MARCHF1: variants seen among roughly 807,000 people sequenced by gnomAD.
MARCHF1 encodes the protein membrane associated ring-CH-type finger 1, also known as E3 ubiquitin-protein ligase MARCHF1.
A neutral mutation model predicts 54.2 loss-of-function variants in MARCHF1; 40 were observed. The ratio of observed to expected loss-of-function variants is 0.74; its 90% CI spans 0.57 to 0.96. MARCHF1 has a LOEUF of 0.96. Among genes scored for constraint, MARCHF1 ranks in the 40% least tolerant of loss-of-function variants. MARCHF1 has a pLI of 0.00. For synonymous variants in MARCHF1, 236 were observed against 236.3 expected, an observed-to-expected ratio of 1.00 and a Z score of 0.01; for missense variants, 586 against 656.5, an observed-to-expected ratio of 0.89 and a Z score of 1.17.
chr4:164,105,433 C>A (rs1399338542), intron 2 of MARCHF1, among the ~76,000 whole-genome samples: 1 of 149,852 alleles, frequency 6.7e-6, no homozygotes, highest in Non-Finnish European at 1.5e-5. Context: ...ATCAATGGAA[C>A]AGAACAGAGC....
intron 1 of MARCHF1, among the ~76,000 whole-genome samples, chr4:164,163,499 T>C (rs1049371353): frequency 6.6e-6 from 1 of 151,656 alleles, no homozygotes; most frequent in Non-Finnish European, 1.5e-5. Context: ...TAGAGGAAAA[T>C]ACCAGAATAG....
At chr4:164,087,711 C>A (rs1387101780) in intron 2 of MARCHF1, among the ~76,000 whole-genome samples, 1 of 152,086 alleles carries the variant, frequency 6.6e-6, no homozygotes, top group East Asian at 1.9e-4. Context: ...GTCTATACTA[C>A]AAATCAAAGA....
intron 4 of MARCHF1, among the ~76,000 whole-genome samples, chr4:163,720,331 T>C (rs1745404946): frequency 6.6e-6 from 1 of 152,184 alleles, no homozygotes; most frequent in African/African-American, 2.4e-5. Context: ...AAAGATCAGA[T>C]GGTTGTAGAT....
chr4:164,106,731 C>T (rs1353045565), intron 2 of MARCHF1, among the ~76,000 whole-genome samples: 1 of 132,950 alleles, frequency 7.5e-6, no homozygotes, highest in Non-Finnish European at 1.6e-5. Context: ...CTAACCTGCA[C>T]AATGTGCACA....
At chr4:163,997,976 A>T (rs982523209) in intron 2 of MARCHF1, among the ~76,000 whole-genome samples, 1 of 151,298 alleles carries the variant, frequency 6.6e-6, no homozygotes, top group African/African-American at 2.4e-5. Flanking sequence ...TACATGCAAA[A>T]TGTCTAAAAA....
At chr4:163,994,740 T>TACACACACAC (rs576243307) in intron 2 of MARCHF1, among the ~76,000 whole-genome samples, 1 of 119,178 alleles carries the variant, frequency 8.4e-6, no homozygotes, top group East Asian at 2.6e-4. Flanking sequence ...CAAGCACACA[T>TACACACACAC]ACACACACAC....
intron 1 of MARCHF1, among the ~76,000 whole-genome samples, chr4:164,125,707 G>C (rs937737915): frequency 2.0e-5 from 3 of 152,138 alleles, no homozygotes; most frequent in African/African-American, 7.2e-5. Flanking sequence ...TGGCCTTTAA[G>C]AACTGAGCTG....
intron 4 of MARCHF1, among the ~76,000 whole-genome samples, chr4:163,798,136 G>A (rs937274525): frequency 3.3e-5 from 5 of 152,096 alleles, no homozygotes; most frequent in African/African-American, 1.2e-4. Context: ...AAATAATTAA[G>A]GTTAAATGAG....
chr4:163,994,407 G>A (rs1753027452), intron 2 of MARCHF1, among the ~76,000 whole-genome samples: 1 of 151,348 alleles, frequency 6.6e-6, no homozygotes, highest in Admixed American at 6.6e-5. Context: ...AGAAACCCTG[G>A]TATTCTCAAG....
At chr4:164,085,829 ATGTATTC>A (rs1755182359) in intron 2 of MARCHF1, among the ~76,000 whole-genome samples, 1 of 151,812 alleles carries the variant, frequency 6.6e-6, no homozygotes, top group Non-Finnish European at 1.5e-5. Context: ...TATTATGACT[ATGTATTC>A]TGTACTACCT....
intron 3 of MARCHF1, among the ~76,000 whole-genome samples, chr4:163,969,629 T>A (rs1752510568): frequency 6.6e-6 from 1 of 152,200 alleles, no homozygotes; most frequent in Non-Finnish European, 1.5e-5. Flanking sequence ...TTGTAGTCCA[T>A]CTGGATGGGC....
At chr4:163,884,126 G>T (rs114183718) in intron 3 of MARCHF1, among the ~76,000 whole-genome samples, 161 of 152,196 alleles carry the variant, frequency 1.1e-3, no homozygotes, top group African/African-American at 3.5e-3. Context: ...ATTGTTAGAG[G>T]TGCTCAAACC....
At chr4:163,629,701 A>T (rs1435899319) in intron 5 of MARCHF1, among the ~76,000 whole-genome samples, 1 of 152,068 alleles carries the variant, frequency 6.6e-6, no homozygotes, top group East Asian at 1.9e-4. Flanking sequence ...GGGCTAGGGG[A>T]GGGATAACAT....
At chr4:163,827,935 C>A (rs1381314725) in intron 4 of MARCHF1, among the ~76,000 whole-genome samples, 1 of 151,612 alleles carries the variant, frequency 6.6e-6, no homozygotes, top group East Asian at 1.9e-4. Context: ...CCATAGACTG[C>A]ATGTTATGCA....
intron 7 of MARCHF1, among the ~76,000 whole-genome samples, chr4:163,601,293 C>T (rs1485295884): frequency 1.3e-5 from 2 of 151,966 alleles, no homozygotes; most frequent in East Asian, 3.9e-4. Flanking sequence ...TGTTTATACA[C>T]ACAATGTTTA....
chr4:163,883,637 C>T (rs780797652), intron 3 of MARCHF1, among the ~76,000 whole-genome samples: 2 of 152,056 alleles, frequency 1.3e-5, no homozygotes, highest in Non-Finnish European at 2.9e-5. Flanking sequence ...TACAAGATGC[C>T]TAGTTAAATT....
intron 7 of MARCHF1, among the ~76,000 whole-genome samples, chr4:163,588,344 C>G (rs748228698): frequency 1.3e-4 from 20 of 152,200 alleles, no homozygotes; most frequent in Non-Finnish European, 1.9e-4. Flanking sequence ...ACTTGTTACA[C>G]TTTGTGTCAT....
chr4:164,306,475 A>G (rs1734696763), intron 1 of MARCHF1, among the ~76,000 whole-genome samples: 1 of 152,140 alleles, frequency 6.6e-6, no homozygotes, highest in Non-Finnish European at 1.5e-5. Context: ...CCTCTTGCTC[A>G]AAATTCAACT....
chr4:163,613,560 G>C (rs1022732147), intron 5 of MARCHF1, 167 bp from the exon 6 acceptor site: 8 of 1,532,572 alleles, frequency 5.2e-6, no homozygotes, highest in Non-Finnish European at 6.1e-6. Context: ...TTTTGCAAAA[G>C]TAAAACTTAT....
Sources: gnomAD v4.1 joint callset for allele counts (sites outside exome capture counted in the v4.1 genomes callset) on GRCh38, gnomAD v4.1.1 for gene constraint, MANE v1.5 for transcripts, NCBI Gene and HGNC (gene_info 2026-07-23, HGNC 2026-07-21) for gene names.